The following XXYLT1 variants were observed in gnomAD, a reference collection of about 807,000 sequenced individuals.
The protein encoded by XXYLT1 is UDP-xylose:alpha-xyloside alpha-1,3-xylosyltransferase.
Under a neutral mutation model 28.9 loss-of-function variants are expected in XXYLT1, and 20 were observed. The ratio of observed to expected loss-of-function variants is 0.69; its 90% CI spans 0.49 to 1.00. The LOEUF (loss-of-function observed/expected upper bound fraction) is 1.00. Ranked by LOEUF, XXYLT1 falls within the 50% of genes least tolerant of loss-of-function variation. XXYLT1 has a pLI of 0.00. For synonymous variants in XXYLT1, 257 were observed against 253.8 expected (o/e 1.01, Z -0.12); for missense variants, 542 against 560.1 (o/e 0.97, Z 0.33).
intron 3 of XXYLT1, among the ~76,000 whole-genome samples, chr3:195,128,732 GTGTT>G (rs1718760141): frequency 6.6e-6 from 1 of 152,160 alleles, no homozygotes; most frequent in South Asian, 2.1e-4. Context: ...CCTCTCCTAT[GTGTT>G]TAGAGCCCCT....
In XXYLT1 at chr3:195,156,535, G is replaced by A. The variant is rs761109954; in HGVS notation, c.699C>T (p.Thr233=). The A allele has an allele frequency of 6.8e-6, 11 of 1,614,112 alleles. No homozygotes were observed. Among genetic ancestry groups the A allele is most frequent in the East Asian group, 2.2e-5 (1 of 44,892 alleles). Residue 233 remains threonine (T), a synonymous_variant, in exon 3 of 4, where the codon ACC becomes ACT. Coordinates refer to ENST00000310380, the MANE Select transcript of XXYLT1 (RefSeq NM_152531.5). ...ATTCCTCAAACAACTCCCGGATGTT[G>A]GTCTTAAACTTCAGGTCTAGGTCCA... The part of the protein sequence containing the change: ...IQLDLDLKFK[T]NIRELFEEFD...
chr3:195,263,863 T>C (rs996781646), intron 1 of XXYLT1, among the ~76,000 whole-genome samples: 6 of 152,204 alleles, frequency 3.9e-5, no homozygotes, highest in African/African-American at 1.2e-4. Context: ...TAGTCAACTA[T>C]AAATATTTAT....
At chr3:195,198,732 A>G (rs568057788) in intron 2 of XXYLT1, among the ~76,000 whole-genome samples, 1 of 152,304 alleles carries the variant, frequency 6.6e-6, no homozygotes, top group African/African-American at 2.4e-5. Context: ...ACCTTCAACT[A>G]TGAACACCTC....
intron 3 of XXYLT1, among the ~76,000 whole-genome samples, chr3:195,110,181 T>TG: frequency 1.5e-5 from 1 of 65,782 alleles, no homozygotes; most frequent in Non-Finnish European, 3.7e-5. Flanking sequence ...TGAGTATGTG[T>TG]GTGTGTGGGT....
In XXYLT1 at chr3:195,141,687, C is replaced by G. The variant is rs115905570; in HGVS notation, c.785+14762G>C. Among the ~76,000 whole-genome samples, 1,182 of 152,316 alleles carry G rather than the reference C, an allele frequency of 7.8e-3. 28 individuals are homozygous for G. Among genetic ancestry groups the G allele is most frequent in the African/African-American group, 0.027 (1,102 of 41,562 alleles). On this transcript the variant is annotated intron_variant, in intron 3 of 3. Transcript: ENST00000310380. Reference sequence around the variant, plus strand: ...CTTTGAGCAAATCTCAGAACCCTTGCCAGCCAGCGCCAGCCAGCCAATGCT... The same window carrying G: ...CTTTGAGCAAATCTCAGAACCCTTGGCAGCCAGCGCCAGCCAGCCAATGCT...
intron 1 of XXYLT1, among the ~76,000 whole-genome samples, chr3:195,253,358 C>T (rs972212686): frequency 2.0e-5 from 3 of 152,166 alleles, no homozygotes; most frequent in African/African-American, 7.2e-5. Flanking sequence ...GGCAAGATCC[C>T]GTTTCATTTC....
intron 1 of XXYLT1, among the ~76,000 whole-genome samples, chr3:195,229,154 C>G (rs1724194806): frequency 6.6e-6 from 1 of 152,096 alleles, no homozygotes; most frequent in South Asian, 2.1e-4. Flanking sequence ...TTCTTTTTAA[C>G]CTATATCTCT....
Position 195,270,736 on chromosome 3 carries a change from G to T in XXYLT1, c.323C>A (p.Ala108Glu). ...GGCCTGCAGCGCGGCATTGTGCTCC[G>T]CCTTGGTGAACATCATCAGCAGGTG... ...DYHLLMMFTK[A>E]EHNAALQAKA... Residue 108 changes from alanine to glutamate, a missense_variant, in exon 1 of 4, where the codon GCG becomes GAG. Physicochemically the swap from Ala to Glu is moderately radical, Grantham distance 107. Coordinates refer to ENST00000310380, the MANE Select transcript of XXYLT1 (RefSeq NM_152531.5). 1.3e-6 allele frequency: 2 copies of T among 1,589,924 alleles called. No homozygotes were observed. The highest frequency in any genetic ancestry group is 1.7e-4 in the Middle Eastern group (1 of 5,984).
chr3:195,268,572 T>G (rs971339904), intron 1 of XXYLT1, among the ~76,000 whole-genome samples: 4 of 149,948 alleles, frequency 2.7e-5, no homozygotes, highest in African/African-American at 9.9e-5. Flanking sequence ...CACTCCAGCC[T>G]AGGCAACAAG....
At chr3:195,230,879 A>G (rs1724270665) in intron 1 of XXYLT1, among the ~76,000 whole-genome samples, 1 of 152,170 alleles carries the variant, frequency 6.6e-6, no homozygotes, top group Non-Finnish European at 1.5e-5. Flanking sequence ...TTGTGGTTCC[A>G]TATAAATTTT....
chr3:195,083,449 C>A (rs1009903048), intron 3 of XXYLT1, among the ~76,000 whole-genome samples: 5 of 152,186 alleles, frequency 3.3e-5, no homozygotes, highest in African/African-American at 1.2e-4. Flanking sequence ...CTGAGATGAT[C>A]CCTGGGGCCT....
intron 1 of XXYLT1, among the ~76,000 whole-genome samples, chr3:195,247,045 G>C (rs1181712342): frequency 6.6e-6 from 1 of 152,192 alleles, no homozygotes; most frequent in Non-Finnish European, 1.5e-5. Flanking sequence ...GTGGGTAGAA[G>C]CATTCCCTAA....
intron 3 of XXYLT1, among the ~76,000 whole-genome samples, chr3:195,112,587 A>G (rs1388583738): frequency 3.7e-5 from 5 of 134,728 alleles, no homozygotes; most frequent in African/African-American, 1.3e-4. Flanking sequence ...ACGCACGCAC[A>G]CACACACACG....
intron 2 of XXYLT1, among the ~76,000 whole-genome samples, chr3:195,171,379 G>A (rs1721398008): frequency 1.3e-5 from 2 of 152,340 alleles, no homozygotes; most frequent in Middle Eastern, 3.4e-3. Flanking sequence ...GTCAGTCAGT[G>A]CTATTTTTAC....
At chr3:195,223,038 A>G (rs986190383) in intron 2 of XXYLT1, among the ~76,000 whole-genome samples, 4 of 151,916 alleles carry the variant, frequency 2.6e-5, no homozygotes, top group African/African-American at 9.7e-5. Context: ...AGCCTGGCCA[A>G]TATGGTGAAA....
In XXYLT1 at chr3:195,129,700, G is replaced by A. The variant is rs575686511; in HGVS notation, c.785+26749C>T. On this transcript the variant is annotated intron_variant, in intron 3 of 3. Coordinates refer to ENST00000310380, the MANE Select transcript of XXYLT1 (RefSeq NM_152531.5). This position sits in a 1 kb window ranked among gnomAD's most constrained non-coding sequence, Gnocchi z 4.4. ...AATGTTCATTTGCATGTTAGTGTGC[G>A]GGCGTATGTTTTCAGTTCTCTCGGG... Among the ~76,000 whole-genome samples, 7 of 152,108 alleles carry A rather than the reference G, an allele frequency of 4.6e-5. 1 individual carries two copies. The highest frequency in any genetic ancestry group is 4.2e-4 in the South Asian group (2 of 4,816).
At chr3:195,080,082 C>G (rs1715344490) in intron 3 of XXYLT1, among the ~76,000 whole-genome samples, 1 of 152,124 alleles carries the variant, frequency 6.6e-6, no homozygotes, top group Admixed American at 6.5e-5. Flanking sequence ...AAGGCAGTGG[C>G]ACAACCGTTC....
At chr3:195,254,925 T>C (rs1314734305) in intron 1 of XXYLT1, among the ~76,000 whole-genome samples, 1 of 152,062 alleles carries the variant, frequency 6.6e-6, no homozygotes, top group Non-Finnish European at 1.5e-5. Flanking sequence ...CCCAGAAAGA[T>C]GAGGTAGAGC....
At chr3:195,071,033 G>A (rs538810921) in intron 3 of XXYLT1, among the ~76,000 whole-genome samples, 15 of 152,324 alleles carry the variant, frequency 9.8e-5, no homozygotes, top group African/African-American at 3.1e-4. Context: ...GGGTTAAAGC[G>A]CTGCACTGTC....
Sources: gnomAD v4.1 joint callset for allele counts (sites outside exome capture counted in the v4.1 genomes callset) on GRCh38, gnomAD v4.1.1 for gene constraint, Gnocchi (gnomAD v3.1) non-coding constraint, MANE v1.5 for transcripts, NCBI Gene and HGNC (gene_info 2026-07-23, HGNC 2026-07-21) for gene names.